The following FRMD4A variants were observed in gnomAD, a reference collection of about 807,000 sequenced individuals.
The protein encoded by FRMD4A is FERM domain-containing protein 4A.
In FRMD4A, 29 loss-of-function variants were observed where a neutral mutation model predicts 129.1. The ratio of observed to expected loss-of-function variants is 0.22; its 90% CI spans 0.17 to 0.31. The LOEUF is 0.31. Among genes scored for constraint, FRMD4A ranks in the 10% least tolerant of loss-of-function variants. The probability of loss-of-function intolerance (pLI) is 1.00; values close to 1 mark genes in which losing one functional copy is unlikely to be tolerated. For missense variants in FRMD4A, 1,272 were observed against 1,375.8 expected (o/e 0.92, Z 1.19); for synonymous variants, 634 against 571.6 (o/e 1.11, Z -1.56).
chr10:13,841,541 C>A (rs1360420069), intron 3 of FRMD4A, among the ~76,000 whole-genome samples: 1 of 152,162 alleles, frequency 6.6e-6, no homozygotes, highest in Non-Finnish European at 1.5e-5. Context: ...GTCAATCATG[C>A]CTACATAATG....
At chr10:13,822,698 G>C (rs2093647374) in intron 3 of FRMD4A, among the ~76,000 whole-genome samples, 1 of 152,148 alleles carries the variant, frequency 6.6e-6, no homozygotes, top group Non-Finnish European at 1.5e-5. Context: ...GAGAGCCACT[G>C]GGTTTCAATC....
At position 13,646,491 on chromosome 10, in the gene FRMD4A, C is replaced by A. The variant is rs1423373055; in HGVS notation, c.*547G>T. ...AACTGAATATGCCACGAGGCCTCCT[C>A]TTCATGAAGTGCTTGGTTGGCCTAC... On this transcript the variant is annotated 3_prime_UTR_variant, in exon 25 of 25. Coordinates refer to ENST00000357447, the MANE Select transcript of FRMD4A (RefSeq NM_018027.5). 1 of 152,296 alleles carries A rather than the reference C, an allele frequency of 6.6e-6. No homozygotes were observed. Among genetic ancestry groups the A allele is most frequent in the African/African-American group, 2.4e-5 (1 of 41,426 alleles). 9.4% of individuals were successfully genotyped at this position (152,296 alleles called of 1,614,324 possible).
chr10:13,655,113 T>G (rs917304197), intron 22 of FRMD4A: 1 of 152,476 alleles, frequency 6.6e-6, no homozygotes, highest in Non-Finnish European at 1.5e-5. Context: ...TTTACTGATG[T>G]AGGCAGCATG....
intron 2 of FRMD4A, among the ~76,000 whole-genome samples, chr10:14,299,942 G>T (rs760022054): frequency 3.9e-5 from 6 of 152,046 alleles, no homozygotes; most frequent in Non-Finnish European, 8.8e-5. Flanking sequence ...TATAACATGA[G>T]GAAGCAGAGC....
chr10:13,951,494 G>T (rs957680109), intron 2 of FRMD4A, among the ~76,000 whole-genome samples: 1 of 152,150 alleles, frequency 6.6e-6, no homozygotes, highest in African/African-American at 2.4e-5. Context: ...GAAAGAGGTG[G>T]AGTAGAAGGG....
At chr10:14,187,827 A>T (rs966983263) in intron 2 of FRMD4A, among the ~76,000 whole-genome samples, 2 of 152,342 alleles carry the variant, frequency 1.3e-5, no homozygotes, top group East Asian at 3.9e-4. Flanking sequence ...CTTTGATTCC[A>T]TATTTCACTA....
intron 2 of FRMD4A, among the ~76,000 whole-genome samples, chr10:14,125,952 C>A (rs966254737): frequency 1.3e-5 from 2 of 151,852 alleles, no homozygotes; most frequent in African/African-American, 4.9e-5. Context: ...CTGAGATGAG[C>A]TCTAACTCCA....
At chr10:14,266,501 G>C (rs1057443518) in intron 2 of FRMD4A, among the ~76,000 whole-genome samples, 1 of 37,886 alleles carries the variant, frequency 2.6e-5, no homozygotes, top group Non-Finnish European at 8.0e-5. Flanking sequence ...GTTGTGCTCT[G>C]TGTGTGTGTG....
chr10:13,820,575 A>C (rs2130904792), intron 3 of FRMD4A, among the ~76,000 whole-genome samples: 2 of 152,182 alleles, frequency 1.3e-5, no homozygotes, highest in South Asian at 4.1e-4. Flanking sequence ...ACAGCAAACA[A>C]GCAGTAACCA....
chr10:14,237,372 C>T (rs1267925281), intron 2 of FRMD4A, among the ~76,000 whole-genome samples: 2 of 152,100 alleles, frequency 1.3e-5, no homozygotes, highest in African/African-American at 2.4e-5. Flanking sequence ...ACTCTGTCGC[C>T]CAGGCTGGAG....
At chr10:14,118,894 AT>A (rs1221875719) in intron 2 of FRMD4A, among the ~76,000 whole-genome samples, 21 of 152,088 alleles carry the variant, frequency 1.4e-4, no homozygotes, top group Non-Finnish European at 4.4e-5. Context: ...ATAACCCTGA[AT>A]CCCCACAACT....
intron 2 of FRMD4A, among the ~76,000 whole-genome samples, chr10:13,918,652 C>G (rs112223487): frequency 1.3e-4 from 20 of 152,144 alleles, no homozygotes; most frequent in African/African-American, 4.6e-4. Context: ...CCTCAGCCTC[C>G]TGAGTAGCTG....
At chr10:14,015,832 T>C (rs1218937781) in intron 2 of FRMD4A, among the ~76,000 whole-genome samples, 1 of 152,234 alleles carries the variant, frequency 6.6e-6, no homozygotes, top group Non-Finnish European at 1.5e-5. Context: ...ATAATTTAGT[T>C]AGTTCTCATG....
chr10:14,256,181 T>C (rs1844607755), intron 2 of FRMD4A, among the ~76,000 whole-genome samples: 1 of 152,088 alleles, frequency 6.6e-6, no homozygotes, highest in Admixed American at 6.5e-5. Context: ...ATATTTATAA[T>C]AGACGGCAAT....
At chr10:13,721,483 A>T (rs1475899483) in intron 12 of FRMD4A, among the ~76,000 whole-genome samples, 1 of 151,978 alleles carries the variant, frequency 6.6e-6, no homozygotes, top group African/African-American at 2.4e-5. Context: ...CTCTGCCTCA[A>T]AAAAAAAGAA....
At chr10:13,779,025 A>T (rs966069445) in intron 6 of FRMD4A, among the ~76,000 whole-genome samples, 1 of 149,654 alleles carries the variant, frequency 6.7e-6, no homozygotes, top group Non-Finnish European at 1.5e-5. Flanking sequence ...TTATTTATTT[A>T]AAAAAAGAAT....
chr10:13,693,552 G>A (rs753747695), intron 15 of FRMD4A: 32 of 1,197,182 alleles, frequency 2.7e-5, no homozygotes, highest in African/African-American at 4.8e-5. Context: ...GCACATGAGC[G>A]GATTCCACTT....
chr10:14,207,650 G>A (rs1010255235), intron 2 of FRMD4A, among the ~76,000 whole-genome samples: 9 of 150,176 alleles, frequency 6.0e-5, no homozygotes, highest in African/African-American at 2.2e-4. Flanking sequence ...AACACTAGCA[G>A]GACAGCTATA....
chr10:13,890,881 A>ATT, intron 2 of FRMD4A: 1 of 984,118 alleles, frequency 1.0e-6, no homozygotes. Context: ...TCCCTTGGAA[A>ATT]TTTCGCAGAA....
Sources: allele counts gnomAD v4.1 joint callset (sites outside exome capture counted in the v4.1 genomes callset), GRCh38; gene constraint gnomAD v4.1.1; transcripts MANE v1.5; gene names NCBI Gene and HGNC (gene_info 2026-07-23, HGNC 2026-07-21).